Variants in ERICH3 observed in about 807,000 individuals in gnomAD.
ERICH3 encodes the protein glutamate-rich protein 3.
A neutral mutation model predicts 131.1 loss-of-function variants in ERICH3; 126 were observed. The ratio of observed to expected loss-of-function variants is 0.96; its 90% CI spans 0.83 to 1.11. The LOEUF is 1.11. Ranked by LOEUF, ERICH3 falls within the 50% of genes most tolerant of loss-of-function variation. The pLI is 0.00. For synonymous variants in ERICH3, 695 were observed against 644.6 expected, an observed-to-expected ratio of 1.08 and a Z score of -1.18; for missense variants, 2,050 against 1,810.7, an observed-to-expected ratio of 1.13 and a Z score of -2.40.
chr1:74,614,546 G>C (rs1343972477), intron 8 of ERICH3, among the ~76,000 whole-genome samples: 2 of 151,408 alleles, frequency 1.3e-5, no homozygotes, highest in Non-Finnish European at 2.9e-5. Flanking sequence ...GCGTGGTAGC[G>C]GGCACCTGTA....
At chr1:74,631,636 T>C in intron 7 of ERICH3, 77 bp downstream of exon 7, 1 of 1,230,880 alleles carries the variant, frequency 8.1e-7, no homozygotes, top group East Asian at 2.4e-5. Context: ...CAAATTCTTT[T>C]ACTGCAAACC....
intron 8 of ERICH3, among the ~76,000 whole-genome samples, chr1:74,618,543 C>T (rs535980239): frequency 3.3e-5 from 5 of 152,132 alleles, no homozygotes; most frequent in Admixed American, 3.3e-4. Flanking sequence ...TTATTTTGCA[C>T]TTAAAATGAA....
chr1:74,589,778 T>C lies in ERICH3; in HGVS notation c.2029A>G (p.Thr677Ala), dbSNP rs1647497759. ...GATAAACCCTCTGCAATCTCTTGGG[T>C]TCCTTTCTCCGTTCCTTCTTTAAGA... ...NVLKEGTEKG[T>A]QEIAEGLSEK... is the part of the protein sequence containing the mutation. The change falls in exon 12 of 15, where the codon ACC (threonine) becomes GCC (alanine). Residue 677 changes from threonine to alanine, a missense_variant. Transcript: ENST00000326665. 2.5e-6 allele frequency: 4 copies of C among 1,614,114 alleles called. No individual in the cohort carries two copies. The highest frequency in any genetic ancestry group is 1.1e-5 in the South Asian group (1 of 91,086).
At chr1:74,671,075 C>G (rs140406559) in intron 1 of ERICH3, among the ~76,000 whole-genome samples, 1,941 of 152,268 alleles carry the variant, frequency 0.013, 15 homozygotes, top group Non-Finnish European at 0.02. Context: ...GCTCTCAAAC[C>G]CTGTTTTCTG....
intron 10 of ERICH3, 49 bp downstream of exon 10, chr1:74,606,552 A>G: frequency 6.6e-7 from 1 of 1,524,136 alleles, no homozygotes; most frequent in Non-Finnish European, 8.8e-7. Context: ...TTTCAAAGAC[A>G]AACGAAACAG....
chr1:74,666,142 T>C (rs1646689903), intron 1 of ERICH3, among the ~76,000 whole-genome samples: 1 of 152,130 alleles, frequency 6.6e-6, no homozygotes, highest in African/African-American at 2.4e-5. Flanking sequence ...TGAGGATCTC[T>C]AAGAAAGTCC....
intron 1 of ERICH3, among the ~76,000 whole-genome samples, chr1:74,666,004 A>C (rs1276639077): frequency 9.2e-5 from 14 of 152,162 alleles, no homozygotes; most frequent in Non-Finnish European, 1.9e-4. Context: ...AAATACCATA[A>C]CTTGATTCTG....
intron 11 of ERICH3, among the ~76,000 whole-genome samples, chr1:74,597,479 T>G (rs1169806249): frequency 6.6e-6 from 1 of 152,028 alleles, no homozygotes; most frequent in African/African-American, 2.4e-5. Context: ...AATTTCCCAA[T>G]ATTTGTGAAC....
intron 13 of ERICH3, among the ~76,000 whole-genome samples, chr1:74,576,084 G>A (rs1448913683): frequency 1.3e-5 from 2 of 152,162 alleles, no homozygotes; most frequent in African/African-American, 4.8e-5. Flanking sequence ...TTTACTAATT[G>A]TATAAACTGG....
intron 1 of ERICH3, among the ~76,000 whole-genome samples, chr1:74,668,435 C>A (rs1482206773): frequency 2.6e-5 from 4 of 152,150 alleles, no homozygotes; most frequent in Admixed American, 2.6e-4. Flanking sequence ...GACTGGGCAA[C>A]AAATCTAATT....
chr1:74,597,638 C>G (rs188571971), intron 11 of ERICH3, among the ~76,000 whole-genome samples: 1 of 151,768 alleles, frequency 6.6e-6, no homozygotes, highest in Non-Finnish European at 1.5e-5. Context: ...TGGCACTAAC[C>G]GAAACATCTT....
chr1:74,627,920 G>T (rs1221802995), intron 7 of ERICH3, among the ~76,000 whole-genome samples: 1 of 152,038 alleles, frequency 6.6e-6, no homozygotes, highest in Non-Finnish European at 1.5e-5. Context: ...AAAAAGTTAA[G>T]ATTTATGAAA....
At chr1:74,584,569 C>T (rs1445000745) in intron 12 of ERICH3, among the ~76,000 whole-genome samples, 2 of 152,186 alleles carry the variant, frequency 1.3e-5, no homozygotes, top group Non-Finnish European at 2.9e-5. Flanking sequence ...CTTCATTCAT[C>T]TCTGTTCAGA....
intron 1 of ERICH3, among the ~76,000 whole-genome samples, chr1:74,660,618 G>A (rs1049459294): frequency 4.1e-5 from 6 of 147,884 alleles, no homozygotes; most frequent in Admixed American, 6.8e-5. Context: ...TATATATAGT[G>A]TGTATATATA....
chr1:74,648,058 G>A (rs1488915908), intron 2 of ERICH3, among the ~76,000 whole-genome samples: 13 of 152,082 alleles, frequency 8.5e-5, no homozygotes, highest in Non-Finnish European at 1.9e-4. Context: ...ATTCAGTTAG[G>A]TCTCACATTC....
chr1:74,641,491 G>T, intron 4 of ERICH3, 32 bp from the exon 5 acceptor site: 1 of 1,601,834 alleles, frequency 6.2e-7, no homozygotes, highest in South Asian at 1.1e-5. Context: ...GCAAATAGAT[G>T]CATAGTTAGT....
At chr1:74,629,142 T>G (rs1367639799) in intron 7 of ERICH3, among the ~76,000 whole-genome samples, 1 of 151,930 alleles carries the variant, frequency 6.6e-6, no homozygotes, top group Non-Finnish European at 1.5e-5. Flanking sequence ...GATGCATTTT[T>G]AAAAGTAGCA....
At chr1:74,602,259 C>T (rs1211684569) in intron 10 of ERICH3, among the ~76,000 whole-genome samples, 1 of 151,926 alleles carries the variant, frequency 6.6e-6, no homozygotes, top group African/African-American at 2.4e-5. Flanking sequence ...TTTATTCTAT[C>T]CCTGCTATCA....
intron 8 of ERICH3, among the ~76,000 whole-genome samples, chr1:74,620,206 C>T (rs556423526): frequency 6.6e-6 from 1 of 152,122 alleles, no homozygotes; most frequent in Non-Finnish European, 1.5e-5. Context: ...TAAACATTAT[C>T]CTATGCTGAC....
Sources: allele counts gnomAD v4.1 joint callset (sites outside exome capture counted in the v4.1 genomes callset), GRCh38; gene constraint gnomAD v4.1.1; transcripts MANE v1.5; gene names NCBI Gene and HGNC (gene_info 2026-07-23, HGNC 2026-07-21).